The following ZRANB3 variants were observed in gnomAD, a reference collection of about 807,000 sequenced individuals.
The protein encoded by ZRANB3 is DNA annealing helicase and endonuclease ZRANB3.
Under a neutral mutation model 133.8 loss-of-function variants are expected in ZRANB3, and 125 were observed. The ratio of observed to expected loss-of-function variants is 0.93; its 90% CI spans 0.81 to 1.08. The LOEUF is 1.08. Among genes scored for constraint, ZRANB3 ranks in the 50% least tolerant of loss-of-function variants. The pLI, the probability that ZRANB3 is intolerant of heterozygous loss-of-function variation, is 0.00. For synonymous variants in ZRANB3, 387 were observed against 432.7 expected, an observed-to-expected ratio of 0.89 and a Z score of 1.31; for missense variants, 1,229 against 1,275.5, an observed-to-expected ratio of 0.96 and a Z score of 0.56.
At chr2:135,255,292 ACAGCCCC>A (rs1025931652) in intron 12 of ZRANB3, among the ~76,000 whole-genome samples, 1 of 151,974 alleles carries the variant, frequency 6.6e-6, no homozygotes, top group Non-Finnish European at 1.5e-5. Context: ...ACACACACAC[ACAGCCCC>A]CAGGGATTCA....
intron 2 of ZRANB3, among the ~76,000 whole-genome samples, chr2:135,421,809 C>T (rs1270669162): frequency 1.3e-5 from 2 of 151,890 alleles, no homozygotes; most frequent in Non-Finnish European, 2.9e-5. Flanking sequence ...TATTGTCAAC[C>T]CATTTACTCT....
At chr2:135,223,897 T>C (rs1261030982) in intron 15 of ZRANB3, among the ~76,000 whole-genome samples, 2 of 152,208 alleles carry the variant, frequency 1.3e-5, no homozygotes, top group Non-Finnish European at 2.9e-5. Context: ...CTGCAAGTGA[T>C]CATTGCAGGA....
At chr2:135,426,038 A>G (rs1574085226) in intron 2 of ZRANB3, among the ~76,000 whole-genome samples, 1 of 152,204 alleles carries the variant, frequency 6.6e-6, no homozygotes, top group South Asian at 2.1e-4. Context: ...ATACACAAAA[A>G]ACCCTCAGAG....
chr2:135,487,075 A>G (rs768023113), intron 2 of ZRANB3, among the ~76,000 whole-genome samples: 1 of 152,230 alleles, frequency 6.6e-6, no homozygotes, highest in Non-Finnish European at 1.5e-5. Flanking sequence ...TCCTGGATAC[A>G]TGGGCTACAG....
At position 135,269,127 on chromosome 2, in the gene ZRANB3, A is replaced by G. The variant is rs749645507; in HGVS notation, c.1221T>C (p.Thr407=). Residue 407 remains threonine (T), a synonymous_variant, in exon 11 of 21, where the codon ACT becomes ACC. Transcript: ENST00000264159. ...CAGCAAATACAACATGACTTGCTGC[A>G]GTAAATGTTAATCCCTAAGTGAAAT... The part of the protein sequence containing the change: ...IQAAGQGLTF[T]AASHVVFAEL... The G allele has an allele frequency of 6.2e-7, 1 of 1,601,414 alleles. No homozygotes were observed.
chr2:135,467,873 A>G (rs1021348036), intron 2 of ZRANB3, among the ~76,000 whole-genome samples: 3 of 152,186 alleles, frequency 2.0e-5, no homozygotes, highest in Non-Finnish European at 4.4e-5. Context: ...TTGTCCATTT[A>G]TACTGGTAAG....
intron 12 of ZRANB3, among the ~76,000 whole-genome samples, chr2:135,235,865 T>C (rs1695260804): frequency 6.6e-6 from 1 of 151,178 alleles, no homozygotes; most frequent in Non-Finnish European, 1.5e-5. Flanking sequence ...GCATTCCCTT[T>C]GAAAACTGGC....
At chr2:135,295,232 A>G (rs1395038101) in intron 8 of ZRANB3, among the ~76,000 whole-genome samples, 3 of 152,104 alleles carry the variant, frequency 2.0e-5, no homozygotes, top group Non-Finnish European at 4.4e-5. Flanking sequence ...GTAGGTCACT[A>G]AGGACTTGCT....
At chr2:135,367,196 T>TG (rs1421373885) in intron 3 of ZRANB3, among the ~76,000 whole-genome samples, 1 of 152,070 alleles carries the variant, frequency 6.6e-6, no homozygotes, top group Non-Finnish European at 1.5e-5. Context: ...GGCTCTGGAG[T>TG]GGTGGCCCAT....
At chr2:135,326,412 A>C (rs954788331) in intron 6 of ZRANB3, among the ~76,000 whole-genome samples, 1 of 152,134 alleles carries the variant, frequency 6.6e-6, no homozygotes, top group Non-Finnish European at 1.5e-5. Context: ...TTAATTTTTA[A>C]GGTATAATAA....
intron 2 of ZRANB3, among the ~76,000 whole-genome samples, chr2:135,446,633 G>C (rs923912228): frequency 2.0e-5 from 3 of 152,094 alleles, no homozygotes; most frequent in African/African-American, 7.2e-5. Context: ...AGCCACATGA[G>C]GACAGAAAAT....
chr2:135,278,089 G>A (rs542770976), intron 8 of ZRANB3, among the ~76,000 whole-genome samples: 66 of 152,060 alleles, frequency 4.3e-4, no homozygotes, highest in Non-Finnish European at 7.6e-4. Flanking sequence ...ATAACTGAAG[G>A]GCATGAGTTT....
At chr2:135,241,535 A>G (rs1695554088) in intron 12 of ZRANB3, among the ~76,000 whole-genome samples, 1 of 152,036 alleles carries the variant, frequency 6.6e-6, no homozygotes, top group Admixed American at 6.6e-5. Context: ...CAAATGTCTA[A>G]TGACACTTGA....
At chr2:135,306,557 G>T (rs1173944244) in intron 8 of ZRANB3, among the ~76,000 whole-genome samples, 4 of 148,234 alleles carry the variant, frequency 2.7e-5, no homozygotes, top group Non-Finnish European at 5.9e-5. Context: ...CTCCCAAAGT[G>T]CTGGGATTAC....
At chr2:135,455,981 T>G (rs1690501710) in intron 2 of ZRANB3, among the ~76,000 whole-genome samples, 1 of 152,258 alleles carries the variant, frequency 6.6e-6, no homozygotes, top group African/African-American at 2.4e-5. Flanking sequence ...CTCTAAAGGA[T>G]TAAATTATTC....
intron 12 of ZRANB3, among the ~76,000 whole-genome samples, chr2:135,240,805 GTTGAGTTCAAGTAATTC>G (rs1695519498): frequency 6.6e-6 from 1 of 152,038 alleles, no homozygotes; most frequent in African/African-American, 2.4e-5. Flanking sequence ...GTCTTGAACT[GTTGAGTTCAAGTAATTC>G]ACCTGTCTTG....
chr2:135,478,605 GTT>G (rs1691612680), intron 2 of ZRANB3, among the ~76,000 whole-genome samples: 1 of 152,042 alleles, frequency 6.6e-6, no homozygotes, highest in African/African-American at 2.4e-5. Context: ...TTTATGGCTG[GTT>G]TCTTTCACTC....
At chr2:135,474,286 A>T (rs968474835) in intron 2 of ZRANB3, among the ~76,000 whole-genome samples, 10 of 152,154 alleles carry the variant, frequency 6.6e-5, no homozygotes, top group Admixed American at 6.5e-5. Context: ...ATATAAATTC[A>T]TTGGATTCTG....
chr2:135,331,366 G>A (rs1374625650), intron 6 of ZRANB3, among the ~76,000 whole-genome samples: 2 of 152,180 alleles, frequency 1.3e-5, no homozygotes, highest in Non-Finnish European at 2.9e-5. Context: ...ATGTAGTTGT[G>A]CAGTTTTGAG....
Sources: gnomAD v4.1 joint callset for allele counts (sites outside exome capture counted in the v4.1 genomes callset) on GRCh38, gnomAD v4.1.1 for gene constraint, MANE v1.5 for transcripts, NCBI Gene and HGNC (gene_info 2026-07-23, HGNC 2026-07-21) for gene names.